RORC: variants seen among roughly 807,000 people sequenced by gnomAD.
The protein encoded by RORC is RAR related orphan receptor C, also known as nuclear receptor ROR-gamma.
RORC carries 13 observed loss-of-function variants against 64.5 expected under a neutral mutation model. The observed-to-expected ratio is 0.20, with a 90% CI of 0.13 to 0.32. The LOEUF (loss-of-function observed/expected upper bound fraction) is 0.32. Ranked by LOEUF, RORC falls within the 10% of genes least tolerant of loss-of-function variation. The probability of loss-of-function intolerance (pLI) is 1.00; values close to 1 mark genes in which losing one functional copy is unlikely to be tolerated. For synonymous variants in RORC, 277 were observed against 259.3 expected (o/e 1.07, Z -0.65); for missense variants, 468 against 669.5 (o/e 0.70, Z 3.32).
intron 2 of RORC, among the ~76,000 whole-genome samples, chr1:151,829,130 A>G (rs1197707006): frequency 3.5e-5 from 1 of 28,382 alleles, no homozygotes; most frequent in Non-Finnish European, 7.0e-5. Flanking sequence ...ACCCCCTCCC[A>G]TCTCCCTGCC....
intron 10 of RORC, among the ~76,000 whole-genome samples, chr1:151,809,275 TC>T (rs1188727906): frequency 2.6e-5 from 4 of 152,032 alleles, no homozygotes; most frequent in Non-Finnish European, 5.9e-5. Flanking sequence ...ATCCCTGTAA[TC>T]CAAGCTACTC....
At position 151,826,119 on chromosome 1, in the gene RORC, C is replaced by G. The variant is rs202113012; in HGVS notation, c.70+3310G>C. On this transcript the variant is annotated intron_variant, in intron 2 of 10. Coordinates refer to ENST00000318247, the MANE Select transcript of RORC (RefSeq NM_005060.4). ...ACTGGGGGGTTTAAGCTCTGCACCA[C>G]ACAGGTGGCCAAGTGACAACCCCCC... is the stretch of plus-strand genomic sequence containing the variant. The G allele has an allele frequency of 1.7e-5, 22 of 1,307,658 alleles. No homozygotes were observed. The South Asian group carries it at 5.0e-4, about 30-fold the overall frequency. The allele number at this position is 1,307,658 out of a possible 1,614,324, so 81.0% of individuals were successfully genotyped here.
chr1:151,826,147 C>A, intron 2 of RORC: 1 of 1,251,556 alleles, frequency 8.0e-7, no homozygotes, highest in Non-Finnish European at 1.0e-6. Flanking sequence ...AACCCCCCAC[C>A]CCACCCCCAA....
At chr1:151,813,115 C>T (rs1339570128) in intron 8 of RORC, 58 bp from the exon 9 acceptor site, 2 of 1,480,328 alleles carry the variant, frequency 1.4e-6, no homozygotes, top group Non-Finnish European at 1.9e-6. Context: ...TGCCCGAGGA[C>T]ACCGCCCTTA....
At position 151,811,432 on chromosome 1, in the gene RORC, G is replaced by C. The variant is rs1222050210; in HGVS notation, c.1288C>G (p.Arg430Gly). Residue 430 changes from arginine (R) to glycine (G), a missense_variant and splice_region_variant, in exon 10 of 11, where the codon CGG (arginine) becomes GGG (glycine). Arg to Gly is a moderately radical substitution (Grantham distance 125). Around this residue, in one of 5 missense-constraint regions of RORC, gnomAD observed 93 missense variants for 116.6 expected, o/e 0.80. Coordinates refer to ENST00000318247, the MANE Select transcript of RORC (RefSeq NM_005060.4). ...TTCCTTTTCTCTTGGAGCCCTGGCCGATCTGGAGGAGGGGGTGGGACCGTA... is the reference window on the plus strand; with the variant it reads ...TTCCTTTTCTCTTGGAGCCCTGGCCCATCTGGAGGAGGGGGTGGGACCGTA... Reference protein sequence around the residue: ...YTALVLINAHRPGLQEKRKVE... With the variant: ...YTALVLINAHGPGLQEKRKVE... The C allele has an allele frequency of 6.2e-7, 1 of 1,601,458 alleles. No individual in the cohort carries two copies. Among genetic ancestry groups the C allele is most frequent in the South Asian group, 1.1e-5 (1 of 90,540 alleles).
In RORC at chr1:151,806,479, G is replaced by T. The variant is rs911636101; in HGVS notation, c.*993C>A. The T allele has an allele frequency of 6.5e-6, 1 of 152,978 alleles. No individual in the cohort carries two copies. Among genetic ancestry groups the T allele is most frequent in the Non-Finnish European group, 1.5e-5 (1 of 68,060 alleles). 9.5% of individuals were successfully genotyped at this position (152,978 alleles called of 1,614,324 possible). On this transcript the variant is annotated 3_prime_UTR_variant, in exon 11 of 11. Transcript: ENST00000318247. ...TCTCTTGGGTCTTCTAGTGGTAGAAGACAGCTGGAGCTGGGGTGGTATTTG... is the reference window on the plus strand; with the variant it reads ...TCTCTTGGGTCTTCTAGTGGTAGAATACAGCTGGAGCTGGGGTGGTATTTG...
At chr1:151,831,631 C>T (rs1341027231) in intron 1 of RORC, 94 bp downstream of exon 1, 2 of 1,604,996 alleles carry the variant, frequency 1.2e-6, no homozygotes, top group Non-Finnish European at 1.7e-6. Context: ...CCTCCCTCCC[C>T]TCCTCACTTC....
Position 151,807,954 on chromosome 1 carries a change from G to A in RORC, c.1396-321C>T, listed in dbSNP as rs1462807198. 6.6e-6 allele frequency among the ~76,000 whole-genome samples: 1 copy of A among 152,192 alleles called. No homozygotes were observed. The highest frequency in any genetic ancestry group is 1.5e-5 in the Non-Finnish European group (1 of 68,034). On this transcript the variant is annotated intron_variant, in intron 10 of 10. Coordinates refer to ENST00000318247, the MANE Select transcript of RORC (RefSeq NM_005060.4). This position sits in a 1 kb window ranked among gnomAD's most constrained non-coding sequence, Gnocchi z 5.0. ...ATAAGAGTGATTGTCTGTGACTCTT[G>A]TTGTATGCTGTCACATGCCTCTGCC...
intron 10 of RORC, among the ~76,000 whole-genome samples, chr1:151,808,108 C>T (rs1651383542): frequency 6.6e-6 from 1 of 152,202 alleles, no homozygotes; most frequent in African/African-American, 2.4e-5. Flanking sequence ...CTCTGTGTAG[C>T]ACTTACTACA....
In RORC at chr1:151,807,724, C is replaced by A. The variant is rs1402105879; in HGVS notation, c.1396-91G>T. The A allele has an allele frequency of 2.2e-6, 3 of 1,371,310 alleles. No individual in the cohort carries two copies. The highest frequency in any genetic ancestry group is 3.0e-6 in the Non-Finnish European group (3 of 995,724). 84.9% of individuals were successfully genotyped at this position (1,371,310 alleles called of 1,614,324 possible). A position where few individuals can be genotyped will look rare whatever the true frequency, so the allele number is the denominator to read the frequency against. On this transcript the variant is annotated intron_variant, in intron 10 of 10. Coordinates refer to ENST00000318247, the MANE Select transcript of RORC (RefSeq NM_005060.4). The surrounding 1 kb of genome is among the most constrained non-coding windows in gnomAD (Gnocchi z 5.0). ...CTCATTCTTCCTGGGCTAGGACAAA[C>A]CCTCCTTGCCTTCCCCTTATGTACT...
In RORC at chr1:151,806,427, G is replaced by C. The variant is rs200285393; in HGVS notation, c.*1045C>G. On this transcript the variant is annotated 3_prime_UTR_variant, in exon 11 of 11. Transcript: ENST00000318247. ...CCTCCAGGATCTGATCTTGCCTTCC[G>C]ACTGACCAGTGCGAGCGACTTCTGC... is the stretch of plus-strand genomic sequence containing the variant. The C allele has an allele frequency of 2.0e-5, 3 of 153,330 alleles. No individual in the cohort carries two copies. The highest frequency in any genetic ancestry group is 4.4e-5 in the Non-Finnish European group (3 of 68,076). The allele number at this position is 153,330 out of a possible 1,614,324, so 9.5% of individuals were successfully genotyped here.
At chr1:151,827,931 C>T (rs905724492) in intron 2 of RORC, among the ~76,000 whole-genome samples, 1 of 152,066 alleles carries the variant, frequency 6.6e-6, no homozygotes, top group Non-Finnish European at 1.5e-5. Context: ...CCCTACTCCC[C>T]CCACCCACAT....
chr1:151,830,338 G>C lies in RORC; in HGVS notation c.41-880C>G, dbSNP rs1180630350. Among the ~76,000 whole-genome samples, 1 of 151,972 alleles carries C rather than the reference G, an allele frequency of 6.6e-6. No homozygotes were observed. Among genetic ancestry groups the C allele is most frequent in the East Asian group, 1.9e-4 (1 of 5,182 alleles). On this transcript the variant is annotated intron_variant, in intron 1 of 10. Transcript: ENST00000318247. This position sits in a 1 kb window ranked among gnomAD's most constrained non-coding sequence, Gnocchi z 4.0. ...ACCTCCAGGGGGAGCAGCCGTTGAGGGGAGGGCCTTAGCTGGAGCATGGTT... is the reference window on the plus strand; with the variant it reads ...ACCTCCAGGGGGAGCAGCCGTTGAGCGGAGGGCCTTAGCTGGAGCATGGTT...
At chr1:151,817,161 C>T in intron 3 of RORC, 34 bp downstream of exon 3, 1 of 1,423,238 alleles carries the variant, frequency 7.0e-7, no homozygotes, top group Non-Finnish European at 9.9e-7. Flanking sequence ...TATGCACACG[C>T]ACACATGCAT....
Position 151,831,250 on chromosome 1 carries a change from C to A in RORC, c.40+475G>T, listed in dbSNP as rs1462431426. ...GCCACACTCCCCAAGTCTGTCACTC[C>A]TTAAAGGACAGGTTTCTCCACTGGT... On this transcript the variant is annotated intron_variant, in intron 1 of 10. Transcript: ENST00000318247. The A allele has an allele frequency of 1.7e-5, 10 of 585,250 alleles. No individual in the cohort carries two copies. In the South Asian group the frequency reaches 1.9e-4, roughly 11 times the overall value. The allele number at this position is 585,250 out of a possible 1,614,324, so 36.3% of individuals were successfully genotyped here. A position where few individuals can be genotyped will look rare whatever the true frequency, so the allele number is the denominator to read the frequency against.
Position 151,811,453 on chromosome 1 carries a change from C to A in RORC, c.1286-19G>T. ...GGCCGATCTGGAGGAGGGGGTGGGACCGTAATGAGAACAAGAAAGAACATG... is the reference window on the plus strand; with the variant it reads ...GGCCGATCTGGAGGAGGGGGTGGGAACGTAATGAGAACAAGAAAGAACATG... On this transcript the variant is annotated intron_variant, in intron 9 of 10. Coordinates refer to ENST00000318247, the MANE Select transcript of RORC (RefSeq NM_005060.4). 1.3e-6 allele frequency: 2 copies of A among 1,495,098 alleles called. No individual in the cohort carries two copies. Among genetic ancestry groups the A allele is most frequent in the Non-Finnish European group, 1.9e-6 (2 of 1,074,376 alleles). The allele number at this position is 1,495,098 out of a possible 1,614,324, so 92.6% of individuals were successfully genotyped here. A position where few individuals can be genotyped will look rare whatever the true frequency, so the allele number is the denominator to read the frequency against.
chr1:151,811,285 C>T (rs201708205), intron 10 of RORC, 40 bp downstream of exon 10: 13 of 1,343,798 alleles, frequency 9.7e-6, no homozygotes, highest in African/African-American at 4.3e-5. Context: ...ACAGAGCTAG[C>T]GATGGGCCTG....
intron 6 of RORC, 93 bp from the exon 7 acceptor site, chr1:151,813,713 T>C: frequency 1.4e-6 from 2 of 1,431,972 alleles, no homozygotes; most frequent in East Asian, 2.4e-5. Flanking sequence ...CTGCAAGGGG[T>C]AGGCTCTGAA....
rs1428309510 is a variant in RORC, at chr1:151,806,550, G to A, written c.*922C>T. 2 of 152,402 alleles carry A rather than the reference G, an allele frequency of 1.3e-5. No homozygotes were observed. Among genetic ancestry groups the A allele is most frequent in the Middle Eastern group, 3.4e-3 (1 of 294 alleles). The allele number at this position is 152,402 out of a possible 1,614,324, so 9.4% of individuals were successfully genotyped here. On this transcript the variant is annotated 3_prime_UTR_variant, in exon 11 of 11. Transcript: ENST00000318247. Reference sequence around the variant, plus strand: ...CAGTGGACTGGAGCACCATGGAAATGTTTGGGAGGGTCCCTCAGGATTGGG... The same window carrying A: ...CAGTGGACTGGAGCACCATGGAAATATTTGGGAGGGTCCCTCAGGATTGGG...
Sources: gnomAD v4.1 joint callset for allele counts (sites outside exome capture counted in the v4.1 genomes callset) on GRCh38, gnomAD v4.1.1 for gene constraint, gnomAD v4.1.1 regional missense constraint, Gnocchi (gnomAD v3.1) non-coding constraint, MANE v1.5 for transcripts, NCBI Gene and HGNC (gene_info 2026-07-23, HGNC 2026-07-21) for gene names.